Variants in FSD2 observed in about 807,000 individuals in gnomAD.
FSD2 encodes fibronectin type III and SPRY domain containing 2.
A neutral mutation model predicts 80.4 loss-of-function variants in FSD2; 71 were observed. That is an observed-to-expected ratio of 0.88 (90% CI 0.73 to 1.08). The LOEUF (loss-of-function observed/expected upper bound fraction) is 1.08, where lower values mean the gene tolerates loss of function less well. Ranked by LOEUF, FSD2 falls within the 50% of genes least tolerant of loss-of-function variation. The probability of loss-of-function intolerance (pLI) is 0.00; values close to 1 mark genes in which losing one functional copy is unlikely to be tolerated. For synonymous variants in FSD2, 361 were observed against 329.5 expected (o/e 1.10, Z -1.03); for missense variants, 923 against 913.8 (o/e 1.01, Z -0.13).
chr15:82,779,576 G>A (rs1028858747), intron 5 of FSD2, among the ~76,000 whole-genome samples: 2 of 151,190 alleles, frequency 1.3e-5, no homozygotes, highest in Non-Finnish European at 2.9e-5. Flanking sequence ...TGAGGCAGGA[G>A]AATCACTTGA....
chr15:82,793,895 C>G (rs1157889841), intron 1 of FSD2, among the ~76,000 whole-genome samples: 1 of 151,834 alleles, frequency 6.6e-6, no homozygotes, highest in African/African-American at 2.4e-5. Context: ...TTCTCTTGGT[C>G]AAACCTCTGA....
At chr15:82,779,526 G>T (rs2049801852) in intron 5 of FSD2, among the ~76,000 whole-genome samples, 1 of 151,998 alleles carries the variant, frequency 6.6e-6, no homozygotes, top group South Asian at 2.1e-4. Flanking sequence ...AATTAGCCAG[G>T]ATGGTGGGGG....
intron 9 of FSD2, among the ~76,000 whole-genome samples, chr15:82,766,240 T>C (rs931122882): frequency 1.3e-5 from 2 of 152,216 alleles, no homozygotes; most frequent in Non-Finnish European, 2.9e-5. Context: ...TCATTGCTAC[T>C]TCTTGTGTTT....
intron 11 of FSD2, 149 bp from the exon 12 acceptor site, chr15:82,762,427 T>G (rs953608901): frequency 3.1e-6 from 2 of 651,452 alleles, no homozygotes; most frequent in South Asian, 2.1e-5. Context: ...AAAGTACCCT[T>G]AGCTCTCAAA....
chr15:82,780,039 G>A (rs1233230260), intron 5 of FSD2, among the ~76,000 whole-genome samples: 1 of 151,942 alleles, frequency 6.6e-6, no homozygotes, highest in Non-Finnish European at 1.5e-5. Flanking sequence ...CACCGTACAC[G>A]CTCCCTACTA....
intron 4 of FSD2, among the ~76,000 whole-genome samples, chr15:82,780,769 C>A (rs903114191): frequency 1.3e-5 from 2 of 151,624 alleles, no homozygotes; most frequent in African/African-American, 2.4e-5. Flanking sequence ...TATATAATAA[C>A]ATAAACATAG....
intron 6 of FSD2, among the ~76,000 whole-genome samples, chr15:82,778,158 A>ATATATATATATATAT (rs1482215584): frequency 8.4e-4 from 108 of 128,894 alleles, no homozygotes; most frequent in African/African-American, 1.7e-3. Flanking sequence ...ATATATATAT[A>ATATATATATATATAT]ATAACTATTA....
intron 9 of FSD2, among the ~76,000 whole-genome samples, chr15:82,766,793 T>C (rs537376488): frequency 6.6e-6 from 1 of 151,216 alleles, no homozygotes; most frequent in South Asian, 2.1e-4. Context: ...CAATTCTGAC[T>C]AGAGCTGAAA....
In FSD2 at chr15:82,769,022, G is replaced by T. The variant is rs200109394; in HGVS notation, c.1411C>A (p.Pro471Thr). The change falls in exon 9 of 13, where the codon CCC becomes ACC. Residue 471 changes from proline (P) to threonine (T), a missense_variant. By Grantham distance (38) the Pro-to-Thr change is conservative (BLOSUM62 -1). Transcript: ENST00000334574. ...ATCTCTTTGGTTTTAATAATGGGGG[G>T]AGAAGGTGCTAAATGTGGGAGAAAG... ...ERAVYMTAPS[P>T]PIIKTKEIRS... The T allele has an allele frequency of 6.3e-7, 1 of 1,582,414 alleles. No individual in the cohort carries two copies. The highest frequency in any genetic ancestry group is 1.8e-5 in the Admixed American group (1 of 54,530).
rs60095355 is a variant in FSD2 at position 82,764,492 on chromosome 15, C to CTTTTTTTTTTTTTTTTTTTTTTTTTTTTT, written c.1820+673_1820+674insAAAAAAAAAAAAAAAAAAAAAAAAAAAAA. On this transcript the variant is annotated intron_variant, in intron 11 of 12. Coordinates refer to ENST00000334574, the MANE Select transcript of FSD2 (RefSeq NM_001007122.4). ...CTCTTGTTGCTTCATTCTTTACTTG[C>CTTTTTTTTTTTTTTTTTTTTTTTTTTTTT]TTTTTTTTTTTTTTTTTTTTGAGAA... Among the ~76,000 whole-genome samples the CTTTTTTTTTTTTTTTTTTTTTTTTTTTTT allele has an allele frequency of 8.1e-4, 70 of 86,140 alleles. 13 individuals carry two copies. Among genetic ancestry groups the CTTTTTTTTTTTTTTTTTTTTTTTTTTTTT allele is most frequent in the Non-Finnish European group, 1.1e-3 (50 of 45,420 alleles). The allele number at this position is 86,140 out of a possible 152,430, so 56.5% of individuals were successfully genotyped here.
chr15:82,772,786 C>G (rs2049615974), intron 6 of FSD2, among the ~76,000 whole-genome samples: 1 of 152,184 alleles, frequency 6.6e-6, no homozygotes, highest in South Asian at 2.1e-4. Context: ...CTCCCCCACC[C>G]CTATACAGTC....
rs962573637 is a variant in FSD2, at chr15:82,759,420, A to G, written c.2178T>C (p.Phe726=). The part of the protein sequence containing the change: ...CQLHEFVHPC[F]SLEKPGCLKV... Reference sequence around the variant, plus strand: ...TTAGACACCCAGGCTTTTCCAAAGAAAAACAGGGATGCACAAATTCGTGAA... The same window carrying G: ...TTAGACACCCAGGCTTTTCCAAAGAGAAACAGGGATGCACAAATTCGTGAA... The change falls in exon 13 of 13, where the codon TTT becomes TTC. Residue 726 remains phenylalanine, a synonymous_variant. Transcript: ENST00000334574. 6.2e-7 allele frequency: 1 copy of G among 1,613,832 alleles called. No homozygotes were observed. The highest frequency in any genetic ancestry group is 8.5e-7 in the Non-Finnish European group (1 of 1,179,802).
At chr15:82,797,606 C>T (rs1366520473) in intron 1 of FSD2, among the ~76,000 whole-genome samples, 4 of 152,104 alleles carry the variant, frequency 2.6e-5, no homozygotes, top group South Asian at 4.1e-4. Flanking sequence ...GTCAGGAGAT[C>T]GAAACCGTCC....
chr15:82,766,942 G>A (rs1182026944), intron 9 of FSD2, among the ~76,000 whole-genome samples: 1 of 152,116 alleles, frequency 6.6e-6, no homozygotes, highest in Admixed American at 6.6e-5. Flanking sequence ...CAGTCCAGTG[G>A]GCAAGAGAAG....
At chr15:82,765,800 G>A (rs1028762387) in intron 10 of FSD2, 98 bp downstream of exon 10, 41 of 1,429,972 alleles carry the variant, frequency 2.9e-5, no homozygotes, top group Non-Finnish European at 5.6e-6. Flanking sequence ...CCACATCTGT[G>A]CATATTCATC....
At position 82,768,880 on chromosome 15, in the gene FSD2, T is replaced by G. The variant is rs1266431160; in HGVS notation, c.1553A>C (p.Glu518Ala). 2 of 1,527,022 alleles carry G rather than the reference T, an allele frequency of 1.3e-6. No homozygotes were observed. The highest frequency in any genetic ancestry group is 2.4e-5 in the East Asian group (1 of 41,972). The allele number at this position is 1,527,022 out of a possible 1,614,324, so 94.6% of individuals were successfully genotyped here. The change falls in exon 9 of 13, where the codon GAG (glutamate) becomes GCG (alanine). Residue 518 changes from glutamate (E) to alanine (A), a missense_variant and splice_region_variant. By Grantham distance (107) the Glu-to-Ala change is moderately radical (BLOSUM62 -1). Coordinates refer to ENST00000334574, the MANE Select transcript of FSD2 (RefSeq NM_001007122.4). ...AESPEASGVT[E>A]SVVGIPTCES... ...CCCAGCAAATGCCCTCATGACTCACTCAGTTACACCCGAGGCTTCTGGACT... is the reference window on the plus strand; with the variant it reads ...CCCAGCAAATGCCCTCATGACTCACGCAGTTACACCCGAGGCTTCTGGACT...
At chr15:82,783,133 G>A (rs979478262) in intron 3 of FSD2, 108 bp from the exon 4 acceptor site, 1 of 787,260 alleles carries the variant, frequency 1.3e-6, no homozygotes, top group East Asian at 2.5e-5. Context: ...CAGTCTTGCA[G>A]TGTTGCCCAG....
rs2050272214 is a variant in FSD2, at chr15:82,796,413, G to C, written c.-78-8945C>G. Reference sequence around the variant, plus strand: ...ATGGAAACACAGGTGAACCAAGGTTGGCTGGCAGGTGAGCTGAAGAAGTTG... The same window carrying C: ...ATGGAAACACAGGTGAACCAAGGTTCGCTGGCAGGTGAGCTGAAGAAGTTG... On this transcript the variant is annotated intron_variant, in intron 1 of 12. Coordinates refer to ENST00000334574, the MANE Select transcript of FSD2 (RefSeq NM_001007122.4). 4 of 153,918 alleles carry C rather than the reference G, an allele frequency of 2.6e-5. No individual in the cohort carries two copies. In the South Asian group the frequency reaches 8.3e-4, roughly 32 times the overall value. 9.5% of individuals were successfully genotyped at this position (153,918 alleles called of 1,614,324 possible).
At chr15:82,804,694 G>A (rs760491919) in intron 1 of FSD2, among the ~76,000 whole-genome samples, 5 of 152,198 alleles carry the variant, frequency 3.3e-5, no homozygotes, top group Non-Finnish European at 5.9e-5. Context: ...ACCAGAAGCT[G>A]GAATGTGAAA....
Sources: allele counts gnomAD v4.1 joint callset (sites outside exome capture counted in the v4.1 genomes callset), GRCh38; gene constraint gnomAD v4.1.1; transcripts MANE v1.5; gene names NCBI Gene and HGNC (gene_info 2026-07-23, HGNC 2026-07-21).